The following MDH1 variants were observed in gnomAD, a reference collection of about 807,000 sequenced individuals.
The protein encoded by MDH1 is malate dehydrogenase, cytoplasmic.
In MDH1, 15 loss-of-function variants were observed where a neutral mutation model predicts 38.7. That is an observed-to-expected ratio of 0.39 (90% CI 0.26 to 0.60). MDH1 has a LOEUF of 0.60. MDH1 is among the 20% of genes least tolerant of loss of function. The pLI, the probability that MDH1 is intolerant of heterozygous loss-of-function variation, is 0.56. For missense variants in MDH1, 368 were observed against 405.2 expected (o/e 0.91, Z 0.79); for synonymous variants, 144 against 143.6 (o/e 1.00, Z -0.02).
In MDH1 at chr2:63,597,531, C is replaced by G; in HGVS notation, c.332C>G (p.Ser111Cys). ...AAAGCAAATGTGAAAATCTTCAAAT[C>G]CCAGGGTGCAGCCTTAGATAAATAC... is the stretch of plus-strand genomic sequence containing the variant. ...LLKANVKIFK[S>C]QGAALDKYAK... Residue 111 changes from serine (S) to cysteine (C), a missense_variant, in exon 4 of 9, where the codon TCC (serine) becomes TGC (cysteine). Transcript: ENST00000233114. The G allele has an allele frequency of 5.3e-6, 8 of 1,501,856 alleles. No homozygotes were observed. Among genetic ancestry groups the G allele is most frequent in the Non-Finnish European group, 4.5e-6 (5 of 1,116,544 alleles). 93.0% of individuals were successfully genotyped at this position (1,501,856 alleles called of 1,614,324 possible).
At chr2:63,601,826 G>A (rs1026661270) in intron 5 of MDH1, among the ~76,000 whole-genome samples, 1 of 152,158 alleles carries the variant, frequency 6.6e-6, no homozygotes, top group East Asian at 1.9e-4. Context: ...TAACTTCCTG[G>A]TAATATATAT....
chr2:63,601,593 A>G (rs1709419335), intron 5 of MDH1, among the ~76,000 whole-genome samples: 1 of 152,206 alleles, frequency 6.6e-6, no homozygotes. Context: ...TGTGACATGA[A>G]TCATATTAAG....
intron 1 of MDH1, among the ~76,000 whole-genome samples, chr2:63,594,084 C>T (rs1042389869): frequency 6.6e-6 from 1 of 152,192 alleles, no homozygotes; most frequent in South Asian, 2.1e-4. Context: ...GTTTTAGCCT[C>T]TTTCACTCTT....
At chr2:63,593,412 ATT>A (rs34641495) in intron 1 of MDH1, 39 of 330,024 alleles carry the variant, frequency 1.2e-4, no homozygotes, top group Non-Finnish European at 1.7e-4. Context: ...CTTTTTTGAA[ATT>A]TTTTTTTTTC....
chr2:63,597,262 G>T, intron 3 of MDH1, 137 bp from the exon 4 acceptor site: 1 of 1,235,382 alleles, frequency 8.1e-7, no homozygotes, highest in Non-Finnish European at 1.0e-6. Context: ...TCTTTCTCAG[G>T]CTCCTGAAAT....
At chr2:63,589,337 T>C (rs1465540558) in intron 1 of MDH1, 4 of 1,550,644 alleles carry the variant, frequency 2.6e-6, no homozygotes, top group Non-Finnish European at 3.5e-6. Context: ...AATGCGACGC[T>C]GCAGCTATTT....
intron 5 of MDH1, among the ~76,000 whole-genome samples, chr2:63,604,096 TAC>T (rs1218563427): frequency 6.6e-6 from 1 of 152,024 alleles, no homozygotes. Context: ...TATATGTGTG[TAC>T]ACACACACAC....
In MDH1 at chr2:63,594,527, C is replaced by A; in HGVS notation, c.43C>A (p.Gln15Lys). 4 of 1,613,758 alleles carry A rather than the reference C, an allele frequency of 2.5e-6. No individual in the cohort carries two copies. Among genetic ancestry groups the A allele is most frequent in the South Asian group, 2.2e-5 (2 of 91,016 alleles). The change falls in exon 2 of 9, where the codon CAA becomes AAA. Residue 15 changes from glutamine (Q) to lysine (K), a missense_variant. By Grantham distance (53) the Gln-to-Lys change is moderately conservative. Transcript: ENST00000233114. ...AGTCCTTGTGACTGGAGCAGCTGGT[C>A]AAATTGCATATTCACTGCTGTACAG... ...IRVLVTGAAG[Q>K]IAYSLLYSIG...
chr2:63,606,136 CTT>C, intron 8 of MDH1, 108 bp downstream of exon 8: 4 of 1,077,278 alleles, frequency 3.7e-6, no homozygotes, highest in Non-Finnish European at 5.7e-6. Context: ...AATCCCAACA[CTT>C]TGGAAGGGCA....
At chr2:63,605,535 GGTTT>G (rs1709511766) in intron 7 of MDH1, 142 bp downstream of exon 7, 1 of 654,774 alleles carries the variant, frequency 1.5e-6, no homozygotes, top group Non-Finnish European at 2.7e-6. Context: ...TAAACTTCGG[GGTTT>G]GTTAGCCTTG....
chr2:63,589,161 CTTTG>C, intron 1 of MDH1, 115 bp downstream of exon 1: 1 of 1,611,504 alleles, frequency 6.2e-7, no homozygotes, highest in Non-Finnish European at 8.5e-7. Context: ...CCTTCGCGCC[CTTTG>C]GCAAGCTCGG....
intron 2 of MDH1, 101 bp downstream of exon 2, chr2:63,594,687 A>G: frequency 3.7e-6 from 3 of 808,746 alleles, no homozygotes; most frequent in Non-Finnish European, 6.0e-6. Flanking sequence ...GTGAAGGAAT[A>G]TGTAATCCCA....
chr2:63,593,412 AT>A (rs34641495), intron 1 of MDH1: 68,488 of 323,746 alleles, frequency 0.21, 6,093 homozygotes, highest in Middle Eastern at 0.32. Context: ...CTTTTTTGAA[AT>A]TTTTTTTTTT....
Position 63,606,870 on chromosome 2 carries a change from C to T in MDH1, c.888C>T (p.Thr296=), listed in dbSNP as rs765499267. Residue 296 remains threonine, a synonymous_variant, in exon 9 of 9, where the codon ACC becomes ACT. Coordinates refer to ENST00000233114, the MANE Select transcript of MDH1 (RefSeq NM_005917.4). Reference sequence around the variant, plus strand: ...GCATTATTTTCAAACAGAATAAGACCTGGAAGTTTGTTGAAGGTCTCCCTA... The same window carrying T: ...GCATTATTTTCAAACAGAATAAGACTTGGAAGTTTGTTGAAGGTCTCCCTA... ...YSFPVVIKNK[T]WKFVEGLPIN... is the part of the protein sequence containing the mutation. 4.0e-5 allele frequency: 65 copies of T among 1,610,304 alleles called. No homozygotes were observed. Among genetic ancestry groups the T allele is most frequent in the Non-Finnish European group, 5.4e-5 (64 of 1,177,974 alleles).
At chr2:63,594,682 G>A in intron 2 of MDH1, 96 bp downstream of exon 2, 2 of 852,420 alleles carry the variant, frequency 2.3e-6, no homozygotes, top group Non-Finnish European at 3.8e-6. Flanking sequence ...AAACAGTGAA[G>A]GAATATGTAA....
At chr2:63,589,421 T>G in intron 1 of MDH1, 1 of 1,524,062 alleles carries the variant, frequency 6.6e-7, no homozygotes, top group Non-Finnish European at 8.9e-7. Flanking sequence ...TCCTAACCCC[T>G]TTTTCTCCTC....
At chr2:63,589,111 A>T in intron 1 of MDH1, 65 bp downstream of exon 1, 1 of 1,614,018 alleles carries the variant, frequency 6.2e-7, no homozygotes, top group Non-Finnish European at 8.5e-7. Context: ...GGTTTCTTGC[A>T]CTTTAGGGAC....
At chr2:63,601,453 C>T (rs1162648268) in intron 5 of MDH1, among the ~76,000 whole-genome samples, 1 of 152,104 alleles carries the variant, frequency 6.6e-6, no homozygotes, top group African/African-American at 2.4e-5. Context: ...ACAATGATAC[C>T]AGTTAGCTTG....
In MDH1 at chr2:63,588,987, C is replaced by T. The variant is rs574874073; in HGVS notation, c.-57C>T. 3 of 1,613,670 alleles carry T rather than the reference C, an allele frequency of 1.9e-6. No individual in the cohort carries two copies. The highest frequency in any genetic ancestry group is 1.1e-5 in the South Asian group (1 of 91,072). On this transcript the variant is annotated 5_prime_UTR_variant, in exon 1 of 9. Transcript: ENST00000233114. The stretch of plus-strand genomic sequence containing the variant: ...CGAGTCAGTTCCGCGGTAGAGGTGA[C>T]CTGACTCTCTGAGGCTCATTTTGCA...
Sources: allele counts gnomAD v4.1 joint callset (sites outside exome capture counted in the v4.1 genomes callset), GRCh38; gene constraint gnomAD v4.1.1; transcripts MANE v1.5; gene names NCBI Gene and HGNC (gene_info 2026-07-23, HGNC 2026-07-21).